Variants in APLP2 observed in about 807,000 individuals in gnomAD.
APLP2 encodes amyloid beta precursor like protein 2.
A neutral mutation model predicts 89.9 loss-of-function variants in APLP2; 53 were observed. That is an observed-to-expected ratio of 0.59 (90% CI 0.47 to 0.74). The LOEUF is 0.74. Among genes scored for constraint, APLP2 ranks in the 30% least tolerant of loss-of-function variants. The pLI, the probability that APLP2 is intolerant of heterozygous loss-of-function variation, is 0.00. For missense variants in APLP2, 973 were observed against 975.9 expected, an observed-to-expected ratio of 1.00 and a Z score of 0.04; for synonymous variants, 372 against 348.6, an observed-to-expected ratio of 1.07 and a Z score of -0.75.
intron 1 of APLP2, among the ~76,000 whole-genome samples, chr11:130,102,232 C>T (rs990117107): frequency 2.6e-5 from 4 of 152,140 alleles, no homozygotes; most frequent in Admixed American, 6.5e-5. Flanking sequence ...ATAGGATTTT[C>T]GTATCTTTTA....
In APLP2 at chr11:130,069,943, C is replaced by T. The variant is rs1940526938; in HGVS notation, c.-35C>T. 1.4e-6 allele frequency: 2 copies of T among 1,466,488 alleles called. No homozygotes were observed. The highest frequency in any genetic ancestry group is 1.8e-6 in the Non-Finnish European group (2 of 1,100,028). 90.8% of individuals were successfully genotyped at this position (1,466,488 alleles called of 1,614,324 possible). On this transcript the variant is annotated 5_prime_UTR_variant, in exon 1 of 17. Transcript: ENST00000338167. ...TAAGCGAGGAGTCCGAGTGTGTGAG[C>T]TTGAGAGCCGCGCGCTAGAGCGACC...
chr11:130,110,923 A>C (rs931000785), intron 3 of APLP2, among the ~76,000 whole-genome samples: 1 of 152,150 alleles, frequency 6.6e-6, no homozygotes, highest in African/African-American at 2.4e-5. Flanking sequence ...GAGCAATTGC[A>C]CTTACGCCCT....
At chr11:130,100,911 T>A (rs1252344501) in intron 1 of APLP2, among the ~76,000 whole-genome samples, 1 of 152,246 alleles carries the variant, frequency 6.6e-6, no homozygotes, top group Non-Finnish European at 1.5e-5. Context: ...TTTTTCATTT[T>A]ACTGCTATAC....
chr11:130,140,619 G>A lies in APLP2; in HGVS notation c.1923+136G>A, dbSNP rs61243742. On this transcript the variant is annotated intron_variant, in intron 14 of 16. Coordinates refer to ENST00000338167, the MANE Select transcript of APLP2 (RefSeq NM_001142276.2). The stretch of plus-strand genomic sequence containing the variant: ...CAGTAGAAGGTTGGAGGGCTCCAAC[G>A]GCTCCCACAGACTGGCTGTGGTGTT... 446 of 558,974 alleles carry A rather than the reference G, an allele frequency of 8.0e-4. 2 individuals are homozygous for A. The highest frequency in any genetic ancestry group is 8.0e-3 in the African/African-American group (414 of 52,072). 34.6% of individuals were successfully genotyped at this position (558,974 alleles called of 1,614,324 possible).
Position 130,129,154 on chromosome 11 carries a change from G to T in APLP2, c.1403G>T (p.Arg468Leu). 1 of 1,614,196 alleles carries T rather than the reference G, an allele frequency of 6.2e-7. No homozygotes were observed. Among genetic ancestry groups the T allele is most frequent in the Non-Finnish European group, 8.5e-7 (1 of 1,180,026 alleles). The change falls in exon 10 of 17, where the codon CGT becomes CTT. Residue 468 changes from arginine to leucine, a missense_variant. Coordinates refer to ENST00000338167, the MANE Select transcript of APLP2 (RefSeq NM_001142276.2). ...GTGGAAGCTATGCTGAATGACCGCCGTCGGATGGCTCTGGAGAACTACCTG... is the reference window on the plus strand; with the variant it reads ...GTGGAAGCTATGCTGAATGACCGCCTTCGGATGGCTCTGGAGAACTACCTG... ...ARVEAMLNDRRRMALENYLAA... is the reference protein window; with the variant it reads ...ARVEAMLNDRLRMALENYLAA...
At position 130,123,917 on chromosome 11, in the gene APLP2, T is replaced by G. The variant is rs1339020846; in HGVS notation, c.1090+138T>G. 11 of 934,138 alleles carry G rather than the reference T, an allele frequency of 1.2e-5. No homozygotes were observed. The East Asian group carries it at 2.5e-4, about 21-fold the overall frequency. The allele number at this position is 934,138 out of a possible 1,614,324, so 57.9% of individuals were successfully genotyped here. ...GCTGTCGGTCGTCTTCCCCTCATCT[T>G]TGTGCTTTCTAGATCTAGGCTTTGC... On this transcript the variant is annotated intron_variant, in intron 7 of 16. Coordinates refer to ENST00000338167, the MANE Select transcript of APLP2 (RefSeq NM_001142276.2). The surrounding 1 kb of genome is among the most constrained non-coding windows in gnomAD (Gnocchi z 4.0).
chr11:130,079,082 T>C (rs561472068), intron 1 of APLP2, among the ~76,000 whole-genome samples: 325 of 113,472 alleles, frequency 2.9e-3, no homozygotes, highest in Non-Finnish European at 4.6e-3. Context: ...ACATGTATTT[T>C]TTTTATTTAT....
intron 1 of APLP2, among the ~76,000 whole-genome samples, chr11:130,107,158 C>A (rs115868221): frequency 9.9e-5 from 15 of 152,032 alleles, no homozygotes; most frequent in Admixed American, 9.8e-4. Context: ...TGTTGCTTTG[C>A]GAAATAGTAG....
At chr11:130,070,834 G>C (rs59010508) in intron 1 of APLP2, 190,253 of 1,182,334 alleles carry the variant, frequency 0.16, 22,264 homozygotes, top group African/African-American at 0.56. Context: ...CGTCCTCTTC[G>C]GGTGTCAGAA....
intron 1 of APLP2, among the ~76,000 whole-genome samples, chr11:130,070,332 C>G (rs1290031674): frequency 2.0e-5 from 3 of 151,314 alleles, no homozygotes; most frequent in Non-Finnish European, 4.4e-5. Context: ...GGCGGCCGTC[C>G]GCCTCGGCCG....
In APLP2 at chr11:130,130,181, G is replaced by A. The variant is rs2136037499; in HGVS notation, c.1584+15G>A. 1 of 1,614,226 alleles carries A rather than the reference G, an allele frequency of 6.2e-7. No individual in the cohort carries two copies. Among genetic ancestry groups the A allele is most frequent in the South Asian group, 1.1e-5 (1 of 91,090 alleles). On this transcript the variant is annotated intron_variant, in intron 11 of 16. Coordinates refer to ENST00000338167, the MANE Select transcript of APLP2 (RefSeq NM_001142276.2). ...TGAAATCCCAGGTACAGTAGATGTA[G>A]TAGAAATTGCTGCCGTGAGGGCATT...
chr11:130,142,105 T>C (rs770889636), intron 16 of APLP2, 31 bp downstream of exon 16: 9 of 1,584,864 alleles, frequency 5.7e-6, no homozygotes, highest in Non-Finnish European at 6.0e-6. Context: ...GGGCCTGCTC[T>C]GCACTGTGGG....
chr11:130,142,095 G>A (rs1294401322), intron 16 of APLP2, 21 bp downstream of exon 16: 9 of 1,605,042 alleles, frequency 5.6e-6, no homozygotes, highest in Admixed American at 3.4e-5. Context: ...GGGCTGCTGA[G>A]GGCCTGCTCT....
At chr11:130,107,167 A>G (rs1352766085) in intron 1 of APLP2, among the ~76,000 whole-genome samples, 23 of 152,202 alleles carry the variant, frequency 1.5e-4, no homozygotes, top group Non-Finnish European at 5.9e-5. Flanking sequence ...GCGAAATAGT[A>G]GTTGCTCAGA....
chr11:130,127,734 A>G (rs1402548566), intron 8 of APLP2, 32 bp from the exon 9 acceptor site: 1 of 1,595,774 alleles, frequency 6.3e-7, no homozygotes, highest in African/African-American at 1.3e-5. Flanking sequence ...GGTATTAATC[A>G]CTGCTGACGG....
chr11:130,138,690 GTCC>G (rs1238496234), intron 13 of APLP2: 1 of 147,654 alleles, frequency 6.8e-6, no homozygotes, highest in African/African-American at 2.5e-5. Flanking sequence ...GGCTCAAGCA[GTCC>G]TCCTACCTCA....
At chr11:130,086,958 A>G (rs1336329689) in intron 1 of APLP2, among the ~76,000 whole-genome samples, 1 of 152,218 alleles carries the variant, frequency 6.6e-6, no homozygotes, top group Non-Finnish European at 1.5e-5. Flanking sequence ...ATGAATTTTA[A>G]GATGGATTTT....
At chr11:130,142,619 T>C (rs1006811574) in intron 16 of APLP2, among the ~76,000 whole-genome samples, 1 of 152,010 alleles carries the variant, frequency 6.6e-6, no homozygotes, top group Non-Finnish European at 1.5e-5. Flanking sequence ...TTTGTTTTGG[T>C]TTTTTGGTTT....
chr11:130,136,984 T>C (rs1591848915), intron 13 of APLP2, among the ~76,000 whole-genome samples: 1 of 152,188 alleles, frequency 6.6e-6, no homozygotes, highest in African/African-American at 2.4e-5. Flanking sequence ...TGGGCTAAGC[T>C]AAATAGTGCA....
Sources: allele counts gnomAD v4.1 joint callset (sites outside exome capture counted in the v4.1 genomes callset), GRCh38; gene constraint gnomAD v4.1.1; non-coding constraint Gnocchi (gnomAD v3.1); transcripts MANE v1.5; gene names NCBI Gene and HGNC (gene_info 2026-07-23, HGNC 2026-07-21).